The following CTNNA2 variants were observed in gnomAD, a reference collection of about 807,000 sequenced individuals.
The protein encoded by CTNNA2 is catenin alpha 2, also known as catenin alpha-2.
A neutral mutation model predicts 101.0 loss-of-function variants in CTNNA2; 42 were observed. That is an observed-to-expected ratio of 0.42 (90% CI 0.32 to 0.54). CTNNA2 has a LOEUF of 0.54. Among genes scored for constraint, CTNNA2 ranks in the 20% least tolerant of loss-of-function variants. The pLI is 0.14. For synonymous variants in CTNNA2, 450 were observed against 456.4 expected, an observed-to-expected ratio of 0.99 and a Z score of 0.18; for missense variants, 871 against 1,223.1, an observed-to-expected ratio of 0.71 and a Z score of 4.29.
At chr2:79,832,096 A>T (rs1038378478) in intron 3 of CTNNA2, among the ~76,000 whole-genome samples, 1 of 152,104 alleles carries the variant, frequency 6.6e-6, no homozygotes, top group African/African-American at 2.4e-5. Context: ...TCCCATACTC[A>T]TTCCCTGTGT....
intron 7 of CTNNA2, among the ~76,000 whole-genome samples, chr2:80,080,930 C>T (rs1001332925): frequency 3.7e-5 from 5 of 135,712 alleles, no homozygotes; most frequent in African/African-American, 1.4e-4. Context: ...CACTCACAGG[C>T]GCACACATTC....
rs115360151 is a variant in CTNNA2 at position 79,736,004 on chromosome 2, G to A, written c.103-8383G>A. ...TTACTTCTTTTTTAATCTAAAATAA[G>A]GTGTGAAGTTGTGCTTGAGAGAAAT... On this transcript the variant is annotated intron_variant, in intron 2 of 18. Transcript: ENST00000402739. 5.3e-3 allele frequency among the ~76,000 whole-genome samples: 801 copies of A among 152,202 alleles called. 8 individuals carry two copies. Among genetic ancestry groups the A allele is most frequent in the African/African-American group, 0.018 (763 of 41,524 alleles).
At chr2:79,840,876 T>C (rs1338701670) in intron 3 of CTNNA2, among the ~76,000 whole-genome samples, 1 of 151,768 alleles carries the variant, frequency 6.6e-6, no homozygotes, top group Non-Finnish European at 1.5e-5. Context: ...TTCACGCCAT[T>C]CTCCTGCCTC....
chr2:80,618,031 T>C (rs905965527), intron 17 of CTNNA2, among the ~76,000 whole-genome samples: 4 of 151,914 alleles, frequency 2.6e-5, no homozygotes, highest in African/African-American at 7.2e-5. Context: ...GTGCCTGCTC[T>C]TCAATAGTGT....
At chr2:80,543,555 A>G (rs1691766644) in intron 9 of CTNNA2, among the ~76,000 whole-genome samples, 1 of 152,146 alleles carries the variant, frequency 6.6e-6, no homozygotes, top group South Asian at 2.1e-4. Context: ...TCTTTACACT[A>G]ATGGTTTATT....
intron 7 of CTNNA2, among the ~76,000 whole-genome samples, chr2:80,067,370 A>C (rs973697712): frequency 6.6e-6 from 1 of 152,154 alleles, no homozygotes; most frequent in Non-Finnish European, 1.5e-5. Context: ...ATATATTTCA[A>C]AACATCATGT....
intron 2 of CTNNA2, among the ~76,000 whole-genome samples, chr2:79,247,044 C>T (rs1003894343): frequency 7.9e-5 from 12 of 152,114 alleles, no homozygotes; most frequent in East Asian, 5.8e-4. Context: ...TTGCAGAAAC[C>T]GGCAGGCGTG....
At chr2:79,777,325 T>TTG (rs1278623175) in intron 3 of CTNNA2, among the ~76,000 whole-genome samples, 1 of 124,318 alleles carries the variant, frequency 8.0e-6, no homozygotes, top group African/African-American at 3.0e-5. Flanking sequence ...CAAACACTTG[T>TTG]TATGTGTGTG....
chr2:80,577,820 A>G (rs996165958), intron 13 of CTNNA2, among the ~76,000 whole-genome samples: 10 of 151,876 alleles, frequency 6.6e-5, no homozygotes, highest in South Asian at 2.1e-4. Flanking sequence ...CTGCCAACCT[A>G]TATTCTCAGC....
chr2:80,068,174 C>G (rs1300246083), intron 7 of CTNNA2, among the ~76,000 whole-genome samples: 2 of 152,082 alleles, frequency 1.3e-5, no homozygotes, highest in East Asian at 3.9e-4. Context: ...GGAAAAGGAC[C>G]CAGCAGGCAG....
At chr2:80,602,085 C>A (rs1389862166) in intron 15 of CTNNA2, 2 of 152,038 alleles carry the variant, frequency 1.3e-5, no homozygotes, top group African/African-American at 4.8e-5. Context: ...AATATTTGAT[C>A]TCAGAACTTC....
chr2:79,987,174 C>A (rs982122248), intron 7 of CTNNA2, among the ~76,000 whole-genome samples: 1 of 152,236 alleles, frequency 6.6e-6, no homozygotes. Flanking sequence ...CCCCTCACCC[C>A]AGCCAGGGCG....
Position 79,878,712 on chromosome 2 carries a change from T to C in CTNNA2, c.852+4370T>C, listed in dbSNP as rs942564862. Among the ~76,000 whole-genome samples the C allele has an allele frequency of 3.9e-5, 6 of 152,324 alleles. No homozygotes were observed. The East Asian group carries it at 1.2e-3, about 29-fold the overall frequency. ...TTTGTAAATTTAAGTTCCTTGTAAA[T>C]TCTGAATATTAGACTTTTGTCAGAT... is the stretch of plus-strand genomic sequence containing the variant. On this transcript the variant is annotated intron_variant, in intron 6 of 18. Coordinates refer to ENST00000402739, the MANE Select transcript of CTNNA2 (RefSeq NM_001282597.3).
At chr2:79,457,833 C>T (rs1463483277) in intron 4 of CTNNA2, among the ~76,000 whole-genome samples, 1 of 152,194 alleles carries the variant, frequency 6.6e-6, no homozygotes, top group Non-Finnish European at 1.5e-5. Context: ...TCTCTACCTT[C>T]CCCTACCTCT....
At chr2:79,649,824 A>T (rs976808200) in intron 1 of CTNNA2, among the ~76,000 whole-genome samples, 1 of 152,110 alleles carries the variant, frequency 6.6e-6, no homozygotes, top group African/African-American at 2.4e-5. Flanking sequence ...CTTTGCCTCT[A>T]CTTTTTTTCT....
At chr2:80,105,767 A>G (rs1029558376) in intron 7 of CTNNA2, among the ~76,000 whole-genome samples, 2 of 152,116 alleles carry the variant, frequency 1.3e-5, no homozygotes, top group Non-Finnish European at 1.5e-5. Flanking sequence ...AAATGCATCT[A>G]GAAACCAGAA....
intron 7 of CTNNA2, among the ~76,000 whole-genome samples, chr2:80,130,029 T>G (rs981044498): frequency 2.6e-5 from 4 of 152,020 alleles, no homozygotes; most frequent in Non-Finnish European, 5.9e-5. Context: ...TCTTGCAGGA[T>G]GAGAGGGGAT....
intron 4 of CTNNA2, among the ~76,000 whole-genome samples, chr2:79,497,138 G>T (rs1272630350): frequency 5.9e-5 from 9 of 152,180 alleles, no homozygotes; most frequent in Non-Finnish European, 1.3e-4. Flanking sequence ...GGAAGCTCCG[G>T]CAATGCCATC....
intron 3 of CTNNA2, among the ~76,000 whole-genome samples, chr2:79,787,831 C>T (rs754926618): frequency 2.0e-5 from 3 of 151,994 alleles, no homozygotes; most frequent in Non-Finnish European, 4.4e-5. Flanking sequence ...ACTGGGCCCA[C>T]CTAGACAATC....
Sources: gnomAD v4.1 joint callset for allele counts (sites outside exome capture counted in the v4.1 genomes callset) on GRCh38, gnomAD v4.1.1 for gene constraint, MANE v1.5 for transcripts, NCBI Gene and HGNC (gene_info 2026-07-23, HGNC 2026-07-21) for gene names.